ABCA12: variants seen among roughly 807,000 people sequenced by gnomAD.
ABCA12 encodes the protein ATP binding cassette subfamily A member 12, also known as glucosylceramide transporter ABCA12.
ABCA12 carries 156 observed loss-of-function variants against 293.5 expected under a neutral mutation model. That is an observed-to-expected ratio of 0.53 (90% confidence interval 0.47 to 0.61). The LOEUF (loss-of-function observed/expected upper bound fraction) is 0.61, where lower values mean the gene tolerates loss of function less well. ABCA12 is among the 20% of genes least tolerant of loss of function. The probability of loss-of-function intolerance (pLI) is 0.00; values close to 1 mark genes in which losing one functional copy is unlikely to be tolerated. For synonymous variants in ABCA12, 1,063 were observed against 1,108.0 expected (o/e 0.96, Z 0.81); for missense variants, 2,797 against 3,090.2 (o/e 0.91, Z 2.25).
intron 31 of ABCA12, 111 bp downstream of exon 31, chr2:214,980,372 T>A: frequency 7.1e-7 from 1 of 1,417,860 alleles, no homozygotes; most frequent in Non-Finnish European, 9.7e-7. Flanking sequence ...AGCAGTAAGC[T>A]AGTATACTAA....
chr2:214,997,891 ACT>A (rs1700069465), intron 22 of ABCA12, 82 bp from the exon 23 acceptor site: 2 of 821,800 alleles, frequency 2.4e-6, no homozygotes, highest in East Asian at 5.2e-5. Flanking sequence ...TAAAGAACTC[ACT>A]CTCTCTTACA....
chr2:214,995,339 T>C (rs1245433355), intron 23 of ABCA12, among the ~76,000 whole-genome samples: 7 of 152,362 alleles, frequency 4.6e-5, no homozygotes, highest in African/African-American at 9.6e-5. Context: ...CTTTAGACTT[T>C]ATCAGAATAT....
chr2:214,958,954 A>G lies in ABCA12; in HGVS notation c.5939+70T>C, dbSNP rs1354782252. The G allele has an allele frequency of 4.2e-6, 6 of 1,426,424 alleles. No individual in the cohort carries two copies. The African/African-American group carries it at 8.5e-5, about 20-fold the overall frequency. The allele number at this position is 1,426,424 out of a possible 1,614,324, so 88.4% of individuals were successfully genotyped here. ...CATTCAGATACAACTGTGATTTCCA[A>G]TTACAGCACTTTATACAAAGGCTCA... On this transcript the variant is annotated intron_variant, in intron 40 of 52. Coordinates refer to ENST00000272895, the MANE Select transcript of ABCA12 (RefSeq NM_173076.3).
chr2:214,980,019 G>A (rs1263365224), intron 31 of ABCA12, among the ~76,000 whole-genome samples: 1 of 152,144 alleles, frequency 6.6e-6, no homozygotes, highest in Non-Finnish European at 1.5e-5. Context: ...CACTTGAGGA[G>A]TACTAATCAG....
At chr2:215,034,621 C>A (rs1262757427) in intron 8 of ABCA12, among the ~76,000 whole-genome samples, 1 of 152,110 alleles carries the variant, frequency 6.6e-6, no homozygotes, top group African/African-American at 2.4e-5. Context: ...TAAAAGAGCT[C>A]CTGGGGCCTA....
chr2:215,133,112 T>G (rs1483334210), intron 1 of ABCA12, among the ~76,000 whole-genome samples: 2 of 150,574 alleles, frequency 1.3e-5, no homozygotes, highest in Non-Finnish European at 3.0e-5. Context: ...CAGTTGTCCT[T>G]TGTAGGTGCT....
intron 16 of ABCA12, 32 bp downstream of exon 16, chr2:215,011,939 T>C (rs1191882314): frequency 6.2e-7 from 1 of 1,612,394 alleles, no homozygotes; most frequent in Non-Finnish European, 8.5e-7. Flanking sequence ...AAGGCATTTT[T>C]CAACAAGAAC....
intron 2 of ABCA12, among the ~76,000 whole-genome samples, chr2:215,095,749 A>G (rs549856636): frequency 6.6e-6 from 1 of 152,196 alleles, no homozygotes; most frequent in South Asian, 2.1e-4. Context: ...AGTGAAAATG[A>G]CCGGTTCCTG....
chr2:215,096,198 TC>T (rs1428440490), intron 2 of ABCA12, among the ~76,000 whole-genome samples: 1 of 152,208 alleles, frequency 6.6e-6, no homozygotes, highest in Non-Finnish European at 1.5e-5. Context: ...CCACAAATTA[TC>T]TTATTACATG....
intron 2 of ABCA12, among the ~76,000 whole-genome samples, chr2:215,083,501 A>G (rs1701982970): frequency 6.6e-6 from 1 of 152,322 alleles, no homozygotes; most frequent in Non-Finnish European, 1.5e-5. Flanking sequence ...TGGGTATCAT[A>G]AGCAATTTTA....
At position 214,989,541 on chromosome 2, in the gene ABCA12, A is replaced by G. The variant is rs775356267; in HGVS notation, c.3694+11T>C. ...AAAGATAAAATCCAGTTTTAAAGAA[A>G]GGGGACCTACCAATGCCCTGTTCTT... On this transcript the variant is annotated intron_variant, in intron 25 of 52. Coordinates refer to ENST00000272895, the MANE Select transcript of ABCA12 (RefSeq NM_173076.3). 8 of 1,613,954 alleles carry G rather than the reference A, an allele frequency of 5.0e-6. No homozygotes were observed. In the African/African-American group the frequency reaches 1.1e-4, roughly 22 times the overall value.
At chr2:215,087,565 A>G (rs1226264667) in intron 2 of ABCA12, among the ~76,000 whole-genome samples, 1 of 151,988 alleles carries the variant, frequency 6.6e-6, no homozygotes, top group African/African-American at 2.4e-5. Context: ...GAAAAAAGAC[A>G]AGTATATGTA....
At chr2:214,981,230 T>G (rs1699644719) in intron 30 of ABCA12, among the ~76,000 whole-genome samples, 1 of 152,204 alleles carries the variant, frequency 6.6e-6, no homozygotes, top group Non-Finnish European at 1.5e-5. Context: ...CCATTTGTCA[T>G]GTGGGCATTG....
Position 215,001,027 on chromosome 2 carries a change from A to G in ABCA12, c.2864-7T>C. The G allele has an allele frequency of 6.2e-7, 1 of 1,613,694 alleles. No homozygotes were observed. The highest frequency in any genetic ancestry group is 2.2e-5 in the East Asian group (1 of 44,876). On this transcript the variant is annotated splice_polypyrimidine_tract_variant and splice_region_variant and intron_variant, in intron 21 of 52. Coordinates refer to ENST00000272895, the MANE Select transcript of ABCA12 (RefSeq NM_173076.3). ...GGAAGCTTAAAAATAACACCTAAAAATAAAATGGCAACAACAGCAGAAAGG... is the reference window on the plus strand; with the variant it reads ...GGAAGCTTAAAAATAACACCTAAAAGTAAAATGGCAACAACAGCAGAAAGG...
intron 2 of ABCA12, among the ~76,000 whole-genome samples, chr2:215,092,428 C>T (rs112431077): frequency 1.3e-5 from 2 of 152,208 alleles, no homozygotes; most frequent in East Asian, 3.9e-4. Context: ...TTCTCCCCAA[C>T]CCAAAGCCTC....
chr2:215,076,121 C>G (rs1279605265), intron 2 of ABCA12, among the ~76,000 whole-genome samples: 1 of 152,216 alleles, frequency 6.6e-6, no homozygotes, highest in Non-Finnish European at 1.5e-5. Context: ...TAGCAAAACC[C>G]CATCTTCTCA....
chr2:215,018,272 G>A (rs1025197377), intron 13 of ABCA12, 140 bp from the exon 14 acceptor site: 19 of 1,003,214 alleles, frequency 1.9e-5, no homozygotes, highest in Non-Finnish European at 2.6e-5. Context: ...TTTGGCAAAC[G>A]TTGCATATTT....
Position 214,989,879 on chromosome 2 carries a change from A to G in ABCA12, c.3625-258T>C, listed in dbSNP as rs544173846. On this transcript the variant is annotated intron_variant, in intron 24 of 52. Coordinates refer to ENST00000272895, the MANE Select transcript of ABCA12 (RefSeq NM_173076.3). ...TTAAAAAATCAAAATATACATTTGA[A>G]CTCATTAAATGTTGCTCAGCAAGTA... Among the ~76,000 whole-genome samples the G allele has an allele frequency of 4.5e-3, 679 of 152,308 alleles. 6 individuals are homozygous for G. Among genetic ancestry groups the G allele is most frequent in the Non-Finnish European group, 7.5e-3 (508 of 68,024 alleles).
At chr2:215,084,445 A>G (rs756919462) in intron 2 of ABCA12, among the ~76,000 whole-genome samples, 2 of 152,196 alleles carry the variant, frequency 1.3e-5, no homozygotes, top group Non-Finnish European at 2.9e-5. Flanking sequence ...AAAATATTTG[A>G]ACTTGTTTTC....
Sources: allele counts gnomAD v4.1 joint callset (sites outside exome capture counted in the v4.1 genomes callset), GRCh38; gene constraint gnomAD v4.1.1; transcripts MANE v1.5; gene names NCBI Gene and HGNC (gene_info 2026-07-23, HGNC 2026-07-21).